The following BRINP3 variants were observed in gnomAD, a reference collection of about 807,000 sequenced individuals.
The protein encoded by BRINP3 is BMP/retinoic acid-inducible neural-specific protein 3.
Under a neutral mutation model 71.0 loss-of-function variants are expected in BRINP3, and 19 were observed. The observed-to-expected ratio is 0.27, with a 90% CI of 0.19 to 0.39. The LOEUF is 0.39. BRINP3 is among the 10% of genes least tolerant of loss of function. BRINP3 has a pLI of 1.00. For missense variants in BRINP3, 959 were observed against 940.8 expected (o/e 1.02, Z -0.25); for synonymous variants, 380 against 337.7 (o/e 1.13, Z -1.37).
intron 2 of BRINP3, among the ~76,000 whole-genome samples, chr1:190,372,344 T>C (rs2102197603): frequency 6.6e-6 from 1 of 152,294 alleles, no homozygotes; most frequent in South Asian, 2.1e-4. Context: ...CACTGTATCC[T>C]GCAATGAACC....
intron 2 of BRINP3, among the ~76,000 whole-genome samples, chr1:190,321,747 T>G (rs1043584450): frequency 6.6e-6 from 1 of 152,200 alleles, no homozygotes; most frequent in South Asian, 2.1e-4. Flanking sequence ...TTTTTGAAAA[T>G]TATTATACTG....
At chr1:190,295,512 C>A (rs1664179718) in intron 2 of BRINP3, among the ~76,000 whole-genome samples, 1 of 152,122 alleles carries the variant, frequency 6.6e-6, no homozygotes, top group Admixed American at 6.5e-5. Context: ...TGCCCAAAGC[C>A]ATGGTCACTA....
At chr1:190,398,043 C>A (rs1292051324) in intron 2 of BRINP3, among the ~76,000 whole-genome samples, 1 of 151,916 alleles carries the variant, frequency 6.6e-6, no homozygotes, top group Non-Finnish European at 1.5e-5. Context: ...AGTATGTGTT[C>A]TTTTAAGCCA....
In BRINP3 at chr1:190,454,658, T is replaced by C. The variant is rs764725094; in HGVS notation, c.233A>G (p.Tyr78Cys). The C allele has an allele frequency of 1.9e-5, 30 of 1,613,016 alleles. No homozygotes were observed. The highest frequency in any genetic ancestry group is 3.3e-5 in the Admixed American group (2 of 59,990). Residue 78 changes from tyrosine (Y) to cysteine (C), a missense_variant, in exon 2 of 8, where the codon TAC becomes TGC. By Grantham distance (194) the Tyr-to-Cys change is radical (BLOSUM62 -2). Transcript: ENST00000367462. ...TTGCTTTCCCTTTGCTTCATACCTG[T>C]ATATCTTGTATCTTGTGCTAAATCC... ...RQGFSTRYKI[Y>C]REFGRWKVNN...
intron 6 of BRINP3, among the ~76,000 whole-genome samples, chr1:190,224,455 A>G (rs2102696000): frequency 6.6e-6 from 1 of 151,914 alleles, no homozygotes; most frequent in South Asian, 2.1e-4. Context: ...CTAGACCCCT[A>G]TCTCTCACCA....
chr1:190,458,407 G>A (rs2102647329), intron 1 of BRINP3, among the ~76,000 whole-genome samples: 1 of 152,150 alleles, frequency 6.6e-6, no homozygotes, highest in Middle Eastern at 3.4e-3. Flanking sequence ...AGTCATAATA[G>A]AATGCCTAAG....
At position 190,334,764 on chromosome 1, in the gene BRINP3, G is replaced by A. The variant is rs186124531; in HGVS notation, c.237-53014C>T. Among the ~76,000 whole-genome samples the A allele has an allele frequency of 9.9e-5, 15 of 151,864 alleles. No homozygotes were observed. The East Asian group carries it at 1.9e-3, about 20-fold the overall frequency. The stretch of plus-strand genomic sequence containing the variant: ...AAAATAAAGTTCTATAGATTGCAGG[G>A]TATTGAAATAATAAGGTGAAAATGC... On this transcript the variant is annotated intron_variant, in intron 2 of 7. Transcript: ENST00000367462.
At chr1:190,186,348 C>G (rs972987735) in intron 6 of BRINP3, among the ~76,000 whole-genome samples, 1 of 151,936 alleles carries the variant, frequency 6.6e-6, no homozygotes, top group East Asian at 1.9e-4. Context: ...GCCAGGGCAA[C>G]GAGAGTGAAA....
At chr1:190,153,814 T>A (rs114078224) in intron 7 of BRINP3, among the ~76,000 whole-genome samples, 1 of 152,114 alleles carries the variant, frequency 6.6e-6, no homozygotes, top group Non-Finnish European at 1.5e-5. Flanking sequence ...TGAGCTATGA[T>A]CACAACAGCC....
At chr1:190,265,806 A>G (rs1661611516) in intron 3 of BRINP3, among the ~76,000 whole-genome samples, 2 of 152,304 alleles carry the variant, frequency 1.3e-5, no homozygotes, top group Non-Finnish European at 1.5e-5. Flanking sequence ...GAAATATGAC[A>G]AAGCACTAGT....
At chr1:190,325,970 A>G (rs1666553773) in intron 2 of BRINP3, among the ~76,000 whole-genome samples, 2 of 152,250 alleles carry the variant, frequency 1.3e-5, no homozygotes, top group South Asian at 2.1e-4. Context: ...AAAATAATGT[A>G]TTCAAACAAT....
chr1:190,411,459 C>T (rs965006934), intron 2 of BRINP3, among the ~76,000 whole-genome samples: 1 of 152,024 alleles, frequency 6.6e-6, no homozygotes, highest in African/African-American at 2.4e-5. Flanking sequence ...TAATAGGCCA[C>T]AATGCAAACA....
intron 2 of BRINP3, among the ~76,000 whole-genome samples, chr1:190,449,524 A>G: frequency 6.6e-6 from 1 of 152,032 alleles, no homozygotes; most frequent in African/African-American, 2.4e-5. Flanking sequence ...TCATACTGTC[A>G]TGTAATGCAA....
At chr1:190,117,263 T>G (rs571998711) in intron 7 of BRINP3, among the ~76,000 whole-genome samples, 1 of 152,104 alleles carries the variant, frequency 6.6e-6, no homozygotes, top group East Asian at 1.9e-4. Context: ...AACAGAAATG[T>G]GCACATAACA....
intron 2 of BRINP3, among the ~76,000 whole-genome samples, chr1:190,375,003 CAAAT>C (rs1411757368): frequency 3.3e-5 from 5 of 151,782 alleles, no homozygotes; most frequent in African/African-American, 1.2e-4. Flanking sequence ...GATAAACAGA[CAAAT>C]AGAGTAAACT....
chr1:190,291,398 A>G (rs1663854348), intron 2 of BRINP3, among the ~76,000 whole-genome samples: 1 of 152,102 alleles, frequency 6.6e-6, no homozygotes, highest in Non-Finnish European at 1.5e-5. Flanking sequence ...AATGGGAGAA[A>G]ATAAGGGGTT....
intron 6 of BRINP3, among the ~76,000 whole-genome samples, chr1:190,165,683 A>G (rs1651466705): frequency 1.1e-5 from 1 of 91,514 alleles, no homozygotes; most frequent in African/African-American, 7.5e-5. Flanking sequence ...TCTGATTTTC[A>G]GTGGCAAAAA....
Position 190,281,536 on chromosome 1 carries a change from ACAAATAGGTT to A in BRINP3, c.427+14_427+23del. ...GTTTTAGGCACAAGCACACACAGGC[ACAAATAGGTT>A]CAAAGAGCCGTACCTCCCAGAGTAG... is the stretch of plus-strand genomic sequence containing the variant. On this transcript the variant is annotated intron_variant, in intron 3 of 7. Coordinates refer to ENST00000367462, the MANE Select transcript of BRINP3 (RefSeq NM_199051.3). 1 of 1,606,556 alleles carries A rather than the reference ACAAATAGGTT, an allele frequency of 6.2e-7. No individual in the cohort carries two copies. Among genetic ancestry groups the A allele is most frequent in the Non-Finnish European group, 8.5e-7 (1 of 1,175,274 alleles).
intron 7 of BRINP3, among the ~76,000 whole-genome samples, chr1:190,114,526 CTGTG>C (rs34766118): frequency 0.043 from 6,189 of 143,032 alleles, 341 homozygotes; most frequent in African/African-American, 0.13. Flanking sequence ...AAGTTTGCCA[CTGTG>C]TGTGTGTGTG....
Sources: gnomAD v4.1 joint callset for allele counts (sites outside exome capture counted in the v4.1 genomes callset) on GRCh38, gnomAD v4.1.1 for gene constraint, MANE v1.5 for transcripts, NCBI Gene and HGNC (gene_info 2026-07-23, HGNC 2026-07-21) for gene names.